ELP3: variants seen among roughly 807,000 people sequenced by gnomAD.
The protein encoded by ELP3 is elongator complex protein 3.
ELP3 carries 56 observed loss-of-function variants against 74.9 expected under a neutral mutation model. The ratio of observed to expected loss-of-function variants is 0.75; its 90% confidence interval spans 0.60 to 0.93. The LOEUF is 0.93. ELP3 is among the 40% of genes least tolerant of loss of function. The pLI, the probability that ELP3 is intolerant of heterozygous loss-of-function variation, is 0.00. For missense variants in ELP3, 573 were observed against 686.5 expected (o/e 0.83, Z 1.85); for synonymous variants, 222 against 239.8 (o/e 0.93, Z 0.68).
At chr8:28,161,535 G>A (rs1302767473) in intron 13 of ELP3, among the ~76,000 whole-genome samples, 1 of 150,474 alleles carries the variant, frequency 6.6e-6, no homozygotes, top group Non-Finnish European at 1.5e-5. Context: ...GATTGAGCCA[G>A]AGTGATCTCG....
upstream of ELP3, chr8:28,093,055 G>T: frequency 8.5e-7 from 1 of 1,182,346 alleles, no homozygotes; most frequent in Non-Finnish European, 1.2e-6. Flanking sequence ...ACACGGGGCG[G>T]GGCGTGGCTT....
rs1811976108 is a variant in ELP3, at chr8:28,112,904, TTC to T, written c.463-113_463-112del. On this transcript the variant is annotated intron_variant, in intron 6 of 14. Transcript: ENST00000256398. Reference sequence around the variant, plus strand: ...GAATTAGCTAAGTGTGTTTCATTACTTCTGATTTTTAAACTGTACTGATGAAA... The same window carrying T: ...GAATTAGCTAAGTGTGTTTCATTACTTGATTTTTAAACTGTACTGATGAAA... The T allele has an allele frequency of 5.3e-6, 5 of 946,186 alleles. No homozygotes were observed. In the South Asian group the frequency reaches 1.1e-4, roughly 20 times the overall value. 58.6% of individuals were successfully genotyped at this position (946,186 alleles called of 1,614,324 possible). A position where few individuals can be genotyped will look rare whatever the true frequency, so the allele number is the denominator to read the frequency against.
intron 10 of ELP3, among the ~76,000 whole-genome samples, chr8:28,152,334 G>A (rs969917472): frequency 1.3e-5 from 2 of 152,134 alleles, no homozygotes; most frequent in African/African-American, 4.8e-5. Context: ...TGAGTTGTAA[G>A]AGTTCATTAT....
At position 28,129,517 on chromosome 8, in the gene ELP3, C is replaced by A; in HGVS notation, c.633C>A (p.Ser211Arg). ...TGCTCTACAGGTATTCTGAGAGAAGCCTCACAAAGTGTATTGGAATTACTA... is the reference window on the plus strand; with the variant it reads ...TGCTCTACAGGTATTCTGAGAGAAGACTCACAAAGTGTATTGGAATTACTA... The part of the protein sequence containing the change: ...IYEAVKYSER[S>R]LTKCIGITIE... Residue 211 changes from serine to arginine, a missense_variant, in exon 8 of 15, where the codon AGC becomes AGA. Coordinates refer to ENST00000256398, the MANE Select transcript of ELP3 (RefSeq NM_018091.6). 1 of 1,614,148 alleles carries A rather than the reference C, an allele frequency of 6.2e-7. No homozygotes were observed. The highest frequency in any genetic ancestry group is 1.1e-5 in the South Asian group (1 of 91,086).
intron 7 of ELP3, among the ~76,000 whole-genome samples, chr8:28,114,105 C>T (rs1812027332): frequency 6.6e-6 from 1 of 151,804 alleles, no homozygotes; most frequent in Middle Eastern, 3.4e-3. Flanking sequence ...TGGATAGTTA[C>T]TATTTTCCTT....
chr8:28,113,271 C>A, intron 7 of ELP3, 98 bp downstream of exon 7: 1 of 814,854 alleles, frequency 1.2e-6, no homozygotes. Context: ...CATCCACATT[C>A]TTACTTCTCA....
chr8:28,189,106 A>G (rs1474244772), intron 14 of ELP3, among the ~76,000 whole-genome samples: 1 of 152,228 alleles, frequency 6.6e-6, no homozygotes, highest in African/African-American at 2.4e-5. Context: ...TGAGGAAAAC[A>G]CTTTTTCCTG....
At chr8:28,105,608 C>T (rs1811657860) in intron 3 of ELP3, among the ~76,000 whole-genome samples, 1 of 152,178 alleles carries the variant, frequency 6.6e-6, no homozygotes, top group Non-Finnish European at 1.5e-5. Flanking sequence ...TGTATAGCTG[C>T]ATACATAACA....
At chr8:28,177,730 A>C (rs965674267) in intron 14 of ELP3, among the ~76,000 whole-genome samples, 1 of 152,246 alleles carries the variant, frequency 6.6e-6, no homozygotes, top group Non-Finnish European at 1.5e-5. Context: ...ATCAAAGAAC[A>C]AGAATGCACC....
intron 7 of ELP3, among the ~76,000 whole-genome samples, chr8:28,123,984 T>A (rs1406259273): frequency 6.6e-6 from 1 of 152,174 alleles, no homozygotes; most frequent in Non-Finnish European, 1.5e-5. Flanking sequence ...GCCTTTTAAT[T>A]GGAGTGTTTA....
At position 28,142,845 on chromosome 8, in the gene ELP3, C is replaced by G. The variant is rs190668115; in HGVS notation, c.1100+4954C>G. Reference sequence around the variant, plus strand: ...TTTAACTATGATATTTGTTGTCACACACGTTTCTGTTAGAATTCATTTTTT... The same window carrying G: ...TTTAACTATGATATTTGTTGTCACAGACGTTTCTGTTAGAATTCATTTTTT... On this transcript the variant is annotated intron_variant, in intron 10 of 14. Transcript: ENST00000256398. Among the ~76,000 whole-genome samples the G allele has an allele frequency of 1.9e-3, 292 of 152,144 alleles. 1 individual carries two copies. Among genetic ancestry groups the G allele is most frequent in the African/African-American group, 6.3e-3 (261 of 41,512 alleles).
intron 14 of ELP3, among the ~76,000 whole-genome samples, chr8:28,185,308 C>T (rs1815192937): frequency 6.6e-6 from 1 of 152,184 alleles, no homozygotes; most frequent in African/African-American, 2.4e-5. Flanking sequence ...TACATTGAAT[C>T]ATTCCATTAC....
intron 14 of ELP3, among the ~76,000 whole-genome samples, chr8:28,163,664 GT>G (rs1814195076): frequency 6.6e-6 from 1 of 151,882 alleles, no homozygotes; most frequent in African/African-American, 2.4e-5. Context: ...CTTCTCAACT[GT>G]TTAACCTGTG....
intron 7 of ELP3, among the ~76,000 whole-genome samples, chr8:28,127,016 A>G (rs77473255): frequency 0.03 from 4,559 of 152,264 alleles, 113 homozygotes; most frequent in Non-Finnish European, 0.043. Context: ...AATATAAAAT[A>G]TTTTTTCAAA....
At chr8:28,166,819 CT>C (rs749993298) in intron 14 of ELP3, among the ~76,000 whole-genome samples, 23 of 152,172 alleles carry the variant, frequency 1.5e-4, no homozygotes, top group Non-Finnish European at 2.4e-4. Context: ...GAGTTTTTTT[CT>C]TCTGGCAGTT....
At chr8:28,115,786 T>C (rs1812106595) in intron 7 of ELP3, among the ~76,000 whole-genome samples, 1 of 152,220 alleles carries the variant, frequency 6.6e-6, no homozygotes, top group African/African-American at 2.4e-5. Flanking sequence ...TCTGTATGTA[T>C]GTGCACATGT....
intron 3 of ELP3, among the ~76,000 whole-genome samples, chr8:28,102,357 T>C (rs1811523166): frequency 6.6e-6 from 1 of 152,252 alleles, no homozygotes; most frequent in African/African-American, 2.4e-5. Context: ...AAATGTGAAA[T>C]GCATTTTCCG....
chr8:28,183,483 G>A (rs535446723), intron 14 of ELP3, among the ~76,000 whole-genome samples: 1 of 152,256 alleles, frequency 6.6e-6, no homozygotes, highest in African/African-American at 2.4e-5. Context: ...GAGTGCAGTG[G>A]CACGATCTCA....
rs575079533 is a variant in ELP3, at chr8:28,181,332, A to C, written c.1568-8317A>C. 4.6e-5 allele frequency among the ~76,000 whole-genome samples: 7 copies of C among 152,292 alleles called. No homozygotes were observed. In the South Asian group the frequency reaches 1.4e-3, roughly 32 times the overall value. ...TGTTTTCCTCCAAACTCTGTATTGT[A>C]GTGCTTGTCATTTTAGAAATGGTGA... On this transcript the variant is annotated intron_variant, in intron 14 of 14. Transcript: ENST00000256398.
Sources: allele counts gnomAD v4.1 joint callset (sites outside exome capture counted in the v4.1 genomes callset), GRCh38; gene constraint gnomAD v4.1.1; transcripts MANE v1.5; gene names NCBI Gene and HGNC (gene_info 2026-07-23, HGNC 2026-07-21).